Variants in SMG6 observed in about 807,000 individuals in gnomAD.
SMG6 encodes SMG6 nonsense mediated mRNA decay factor, also known as telomerase-binding protein EST1A.
A neutral mutation model predicts 142.2 loss-of-function variants in SMG6; 66 were observed. The ratio of observed to expected loss-of-function variants is 0.46; its 90% CI spans 0.38 to 0.57. The LOEUF (loss-of-function observed/expected upper bound fraction) is 0.57. Ranked by LOEUF, SMG6 falls within the 20% of genes least tolerant of loss-of-function variation. The pLI is 0.00. For missense variants in SMG6, 1,793 were observed against 1,832.0 expected, an observed-to-expected ratio of 0.98 and a Z score of 0.39; for synonymous variants, 779 against 702.4, an observed-to-expected ratio of 1.11 and a Z score of -1.72.
At chr17:2,227,486 A>C (rs757937171) in intron 10 of SMG6, among the ~76,000 whole-genome samples, 1 of 152,162 alleles carries the variant, frequency 6.6e-6, no homozygotes, top group African/African-American at 2.4e-5. Flanking sequence ...AAGAGTGCAC[A>C]CTCTTAGGAT....
chr17:2,140,759 T>G (rs948259884), intron 13 of SMG6, among the ~76,000 whole-genome samples: 9 of 151,940 alleles, frequency 5.9e-5, no homozygotes, highest in African/African-American at 1.9e-4. Context: ...TAGTATTCAA[T>G]TAAAAAAAAA....
intron 9 of SMG6, 101 bp from the exon 10 acceptor site, chr17:2,236,738 CA>C: frequency 1.4e-4 from 152 of 1,115,236 alleles, no homozygotes; most frequent in Middle Eastern, 3.1e-4. Context: ...CACACACACA[CA>C]CACACACACA....
At chr17:2,128,045 T>A in intron 13 of SMG6, 1 of 418,002 alleles carries the variant, frequency 2.4e-6, no homozygotes, top group Non-Finnish European at 4.6e-6. Flanking sequence ...AAATCTCTCC[T>A]GTGCTCCAGC....
chr17:2,206,142 C>T (rs2072674088), intron 10 of SMG6, among the ~76,000 whole-genome samples: 1 of 151,908 alleles, frequency 6.6e-6, no homozygotes, highest in African/African-American at 2.4e-5. Context: ...AGCCTCTTAT[C>T]ACATGCTGTT....
intron 10 of SMG6, among the ~76,000 whole-genome samples, chr17:2,235,192 C>T (rs1264876630): frequency 6.6e-6 from 1 of 152,160 alleles, no homozygotes; most frequent in Admixed American, 6.5e-5. Flanking sequence ...TCCTCAGGGC[C>T]ATTTACCCAA....
At chr17:2,066,330 GTA>G (rs1326582227) in intron 16 of SMG6, among the ~76,000 whole-genome samples, 2 of 151,834 alleles carry the variant, frequency 1.3e-5, no homozygotes, top group Non-Finnish European at 2.9e-5. Flanking sequence ...GTACATGTGT[GTA>G]TGTGTATGCG....
At chr17:2,150,927 TCCA>T (rs1272228528) in intron 13 of SMG6, among the ~76,000 whole-genome samples, 2 of 151,956 alleles carry the variant, frequency 1.3e-5, no homozygotes, top group African/African-American at 4.8e-5. Context: ...GACACTTCCT[TCCA>T]CCTCTACCTG....
rs1331407508 is a variant in SMG6, at chr17:2,227,757, T to A, written c.2869+8735A>T. 2.0e-5 allele frequency among the ~76,000 whole-genome samples: 3 copies of A among 152,236 alleles called. 1 individual carries two copies. Among genetic ancestry groups the A allele is most frequent in the African/African-American group, 7.2e-5 (3 of 41,460 alleles). On this transcript the variant is annotated intron_variant, in intron 10 of 18. Transcript: ENST00000263073. ...AACTTTACTTCAACAAAATTCATTT[T>A]AAAATATAGGATGATGCATATAACT...
At chr17:2,297,077 T>C (rs1474112741) in intron 4 of SMG6, among the ~76,000 whole-genome samples, 166 bp downstream of exon 4, 1 of 151,150 alleles carries the variant, frequency 6.6e-6, no homozygotes, top group Non-Finnish European at 1.5e-5. Flanking sequence ...ACCACTACCA[T>C]AGTACATATG....
At chr17:2,187,987 G>GA (rs1353947467) in intron 11 of SMG6, among the ~76,000 whole-genome samples, 2 of 152,148 alleles carry the variant, frequency 1.3e-5, no homozygotes, top group Admixed American at 6.5e-5. Context: ...CTGGTCCAGT[G>GA]AGTCTCCCAT....
At chr17:2,084,691 A>G (rs1175424603) in intron 14 of SMG6, among the ~76,000 whole-genome samples, 1 of 152,210 alleles carries the variant, frequency 6.6e-6, no homozygotes, top group African/African-American at 2.4e-5. Flanking sequence ...GTGTTGGCCT[A>G]TGGGTGACCT....
At chr17:2,255,804 T>C (rs921727697) in intron 8 of SMG6, 2 of 225,124 alleles carry the variant, frequency 8.9e-6, no homozygotes, top group South Asian at 5.5e-5. Flanking sequence ...TGGAAGGAAG[T>C]AGACATGGGA....
intron 10 of SMG6, among the ~76,000 whole-genome samples, chr17:2,209,372 AT>A (rs900155734): frequency 3.3e-5 from 5 of 149,966 alleles, no homozygotes; most frequent in African/African-American, 7.4e-5. Context: ...CCAGCTAAAA[AT>A]TTTTTTTTTG....
chr17:2,291,456 G>C lies in SMG6; in HGVS notation c.2337+1096C>G, dbSNP rs543272034. 1.4e-4 allele frequency among the ~76,000 whole-genome samples: 21 copies of C among 152,114 alleles called. No individual in the cohort carries two copies. In the South Asian group the frequency reaches 4.1e-3, roughly 30 times the overall value. On this transcript the variant is annotated intron_variant, in intron 6 of 18. Transcript: ENST00000263073. ...AGGAAAAGACGGATATAGAGAAAAAGGGAAGAAAAAATAGTGCTGCAAAGA... is the reference window on the plus strand; with the variant it reads ...AGGAAAAGACGGATATAGAGAAAAACGGAAGAAAAAATAGTGCTGCAAAGA...
chr17:2,117,602 T>C (rs1026196353), intron 13 of SMG6: 2 of 152,160 alleles, frequency 1.3e-5, no homozygotes, highest in African/African-American at 4.8e-5. Context: ...AGACAATGTA[T>C]AAGACCTGTA....
At chr17:2,286,634 T>C (rs2074911347) in intron 6 of SMG6, among the ~76,000 whole-genome samples, 1 of 151,318 alleles carries the variant, frequency 6.6e-6, no homozygotes, top group Non-Finnish European at 1.5e-5. Flanking sequence ...ATATAAGAGG[T>C]AAAAGTCTAA....
intron 15 of SMG6, among the ~76,000 whole-genome samples, chr17:2,080,041 C>A (rs910290320): frequency 6.6e-6 from 1 of 152,010 alleles, no homozygotes; most frequent in Non-Finnish European, 1.5e-5. Flanking sequence ...CGCCACTACA[C>A]TCCAGCCTGG....
intron 8 of SMG6, among the ~76,000 whole-genome samples, chr17:2,279,162 C>G (rs1409584014): frequency 3.3e-5 from 5 of 152,144 alleles, no homozygotes; most frequent in Non-Finnish European, 4.4e-5. Flanking sequence ...GACATTTAGG[C>G]TGAGACCTGA....
intron 13 of SMG6, among the ~76,000 whole-genome samples, chr17:2,097,447 T>C (rs943925417): frequency 1.5e-4 from 23 of 152,312 alleles, no homozygotes; most frequent in Middle Eastern, 6.8e-3. Flanking sequence ...ATCATTTTTA[T>C]TGTCTACACT....
Sources: allele counts gnomAD v4.1 joint callset (sites outside exome capture counted in the v4.1 genomes callset), GRCh38; gene constraint gnomAD v4.1.1; transcripts MANE v1.5; gene names NCBI Gene and HGNC (gene_info 2026-07-23, HGNC 2026-07-21).